GABRB3: variants seen among roughly 807,000 people sequenced by gnomAD.
The protein encoded by GABRB3 is gamma-aminobutyric acid type A receptor subunit beta3.
Under a neutral mutation model 52.1 loss-of-function variants are expected in GABRB3, and 14 were observed. The ratio of observed to expected loss-of-function variants is 0.27; its 90% CI spans 0.18 to 0.42. The LOEUF is 0.42. Among genes scored for constraint, GABRB3 ranks in the 10% least tolerant of loss-of-function variants. The pLI, the probability that GABRB3 is intolerant of heterozygous loss-of-function variation, is 1.00. For synonymous variants in GABRB3, 260 were observed against 232.3 expected, an observed-to-expected ratio of 1.12 and a Z score of -1.08; for missense variants, 307 against 609.1, an observed-to-expected ratio of 0.50 and a Z score of 5.22.
At chr15:26,630,739 G>A (rs1293155897) in intron 3 of GABRB3, among the ~76,000 whole-genome samples, 1 of 152,096 alleles carries the variant, frequency 6.6e-6, no homozygotes, top group Non-Finnish European at 1.5e-5. Flanking sequence ...ATGAAATCGG[G>A]GGCCCTCTCC....
intron 3 of GABRB3, among the ~76,000 whole-genome samples, chr15:26,709,796 C>T (rs961229999): frequency 4.6e-5 from 7 of 152,042 alleles, no homozygotes; most frequent in African/African-American, 1.7e-4. Flanking sequence ...GGATTACAGG[C>T]GTGAGCCACC....
intron 6 of GABRB3, among the ~76,000 whole-genome samples, chr15:26,579,330 C>A (rs74666350): frequency 0.015 from 2,258 of 152,254 alleles, 95 homozygotes; most frequent in East Asian, 0.15. Flanking sequence ...TGCACCCCAG[C>A]CACTTAATCC....
chr15:26,692,592 C>T (rs1006971712), intron 3 of GABRB3, among the ~76,000 whole-genome samples: 4 of 152,094 alleles, frequency 2.6e-5, no homozygotes, highest in Admixed American at 2.6e-4. Context: ...TATTAATTCC[C>T]TAAGTTTTGC....
intron 3 of GABRB3, among the ~76,000 whole-genome samples, chr15:26,703,256 G>C (rs1403966252): frequency 1.3e-5 from 2 of 152,148 alleles, no homozygotes; most frequent in Non-Finnish European, 2.9e-5. Context: ...ACCGGCACCT[G>C]GTGGGGGCCT....
intron 3 of GABRB3, among the ~76,000 whole-genome samples, chr15:26,761,411 T>A (rs943761668): frequency 6.6e-6 from 1 of 151,260 alleles, no homozygotes; most frequent in African/African-American, 2.4e-5. Flanking sequence ...AAAAATACAA[T>A]ATTAGTCATA....
intron 3 of GABRB3, among the ~76,000 whole-genome samples, chr15:26,686,250 C>G (rs7172564): frequency 0.49 from 74,747 of 152,028 alleles, 19,109 homozygotes; most frequent in African/African-American, 0.63. Flanking sequence ...CAGCTCTAAG[C>G]TGGTTCTTAT....
rs1207473687 is a variant in GABRB3, at chr15:26,621,155, T to C, written c.461+159A>G. Among the ~76,000 whole-genome samples, 3 of 113,548 alleles carry C rather than the reference T, an allele frequency of 2.6e-5. No homozygotes were observed. Among genetic ancestry groups the C allele is most frequent in the East Asian group, 3.4e-4 (1 of 2,920 alleles). The allele number at this position is 113,548 out of a possible 152,430, so 74.5% of individuals were successfully genotyped here. ...AGTAACAGTAATGCCCCAAATTTTA[T>C]GGTTATGAGATTTTTTTTTCTGCAA... On this transcript the variant is annotated intron_variant, in intron 4 of 8. Coordinates refer to ENST00000311550, the MANE Select transcript of GABRB3 (RefSeq NM_000814.6). This position sits in a 1 kb window ranked among gnomAD's most constrained non-coding sequence, Gnocchi z 4.1.
chr15:26,620,691 T>C (rs990520445), intron 4 of GABRB3, among the ~76,000 whole-genome samples: 2 of 152,152 alleles, frequency 1.3e-5, no homozygotes, highest in Non-Finnish European at 2.9e-5. Flanking sequence ...GACCACCAGC[T>C]GGGATGGAGC....
intron 3 of GABRB3, among the ~76,000 whole-genome samples, chr15:26,721,602 CTTG>C (rs1889645614): frequency 6.6e-6 from 1 of 151,688 alleles, no homozygotes; most frequent in East Asian, 2.0e-4. Flanking sequence ...TTGTTTTTCT[CTTG>C]TTGATCTGTC....
chr15:26,638,986 T>G (rs1220195457), intron 3 of GABRB3, among the ~76,000 whole-genome samples: 1 of 152,058 alleles, frequency 6.6e-6, no homozygotes, highest in Non-Finnish European at 1.5e-5. Context: ...TGGATGTCAA[T>G]ATGGTCTTGC....
chr15:26,638,275 G>A (rs989935852), intron 3 of GABRB3, among the ~76,000 whole-genome samples: 1 of 152,096 alleles, frequency 6.6e-6, no homozygotes, highest in Non-Finnish European at 1.5e-5. Context: ...ATGCAGCAGG[G>A]CTGAGAGCTT....
chr15:26,610,361 G>C (rs527837489), intron 4 of GABRB3, among the ~76,000 whole-genome samples: 8 of 152,284 alleles, frequency 5.3e-5, no homozygotes, highest in African/African-American at 1.9e-4. Context: ...CTGGCTTTCT[G>C]TGTGGCTTGT....
rs372922983 is a variant in GABRB3, at chr15:26,590,890, T to C, written c.462-7476A>G. 9.8e-5 allele frequency among the ~76,000 whole-genome samples: 15 copies of C among 152,324 alleles called. No individual in the cohort carries two copies. In the East Asian group the frequency reaches 1.7e-3, roughly 18 times the overall value. ...TGTGCGCCAACTTTGTGACTTGCTT[T>C]ATCTAATATAAAGGCTGGAAGTGAC... On this transcript the variant is annotated intron_variant, in intron 4 of 8. Coordinates refer to ENST00000311550, the MANE Select transcript of GABRB3 (RefSeq NM_000814.6).
chr15:26,545,194 T>TTG lies in GABRB3; in HGVS notation c.*2597_*2598dup, dbSNP rs10569776. 0.09 allele frequency: 13,484 copies of TTG among 149,806 alleles called. 1,036 individuals carry two copies. Among genetic ancestry groups the TTG allele is most frequent in the African/African-American group, 0.21 (8,676 of 40,834 alleles). The allele number at this position is 149,806 out of a possible 1,614,324, so 9.3% of individuals were successfully genotyped here. A position where few individuals can be genotyped will look rare whatever the true frequency, so the allele number is the denominator to read the frequency against. On this transcript the variant is annotated 3_prime_UTR_variant, in exon 9 of 9. Coordinates refer to ENST00000311550, the MANE Select transcript of GABRB3 (RefSeq NM_000814.6). The stretch of plus-strand genomic sequence containing the variant: ...GTTTTTACAGAATATATGTATGTAT[T>TTG]TGTGTGTGTGTGTGTGTGTGTGTGT...
chr15:26,769,286 T>A (rs910471902), intron 3 of GABRB3, among the ~76,000 whole-genome samples: 2 of 152,214 alleles, frequency 1.3e-5, no homozygotes, highest in Non-Finnish European at 2.9e-5. Flanking sequence ...AAAATGCATC[T>A]ATCAAAACCT....
chr15:26,579,228 C>T (rs778844794), intron 6 of GABRB3, among the ~76,000 whole-genome samples: 5 of 152,200 alleles, frequency 3.3e-5, no homozygotes, highest in Non-Finnish European at 5.9e-5. Context: ...ATGACTGACG[C>T]AGGTCCCTCC....
At chr15:26,620,690 C>T (rs1251668880) in intron 4 of GABRB3, among the ~76,000 whole-genome samples, 1 of 152,188 alleles carries the variant, frequency 6.6e-6, no homozygotes, top group Non-Finnish European at 1.5e-5. Flanking sequence ...TGACCACCAG[C>T]TGGGATGGAG....
chr15:26,598,503 G>A (rs2140774891), intron 4 of GABRB3, among the ~76,000 whole-genome samples: 1 of 152,174 alleles, frequency 6.6e-6, no homozygotes, highest in African/African-American at 2.4e-5. Context: ...ACAAGCCTGA[G>A]ACATCCATTT....
In GABRB3 at chr15:26,556,590, GAACA is replaced by G. The variant is rs770955626; in HGVS notation, c.1080+4338_1080+4341del. Among the ~76,000 whole-genome samples, 27 of 152,236 alleles carry G rather than the reference GAACA, an allele frequency of 1.8e-4. No homozygotes were observed. In the East Asian group the frequency reaches 3.1e-3, roughly 17 times the overall value. ...ACTCTTGGGTATAGAAACAACTCAGGAACAAACAGATGGTATGCACAAATAAATT... is the reference window on the plus strand; with the variant it reads ...ACTCTTGGGTATAGAAACAACTCAGGAACAGATGGTATGCACAAATAAATT... On this transcript the variant is annotated intron_variant, in intron 8 of 8. Transcript: ENST00000311550.
Sources: gnomAD v4.1 joint callset for allele counts (sites outside exome capture counted in the v4.1 genomes callset) on GRCh38, gnomAD v4.1.1 for gene constraint, Gnocchi (gnomAD v3.1) non-coding constraint, MANE v1.5 for transcripts, NCBI Gene and HGNC (gene_info 2026-07-23, HGNC 2026-07-21) for gene names.